The following HRAS variants were observed in gnomAD, a reference collection of about 807,000 sequenced individuals.
HRAS encodes GTPase HRas.
A neutral mutation model predicts 19.8 loss-of-function variants in HRAS; 11 were observed. The ratio of observed to expected loss-of-function variants is 0.55; its 90% confidence interval spans 0.35 to 0.92. The LOEUF (loss-of-function observed/expected upper bound fraction) is 0.92. Ranked by LOEUF, HRAS falls within the 40% of genes least tolerant of loss-of-function variation. The pLI, the probability that HRAS is intolerant of heterozygous loss-of-function variation, is 0.01. For synonymous variants in HRAS, 149 were observed against 105.5 expected (o/e 1.41, Z -2.52); for missense variants, 204 against 255.9 (o/e 0.80, Z 1.38).
chr11:534,474 C>T (rs137951969), intron 1 of HRAS, 99 bp from the exon 2 acceptor site: 4 of 644,876 alleles, frequency 6.2e-6, no homozygotes, highest in Non-Finnish European at 1.1e-5. Flanking sequence ...CCACAGCGGT[C>T]CCTGGGCCCC....
In HRAS at chr11:533,496, C is replaced by T. The variant is rs748289593; in HGVS notation, c.407G>A (p.Ser136Asn). 1.2e-6 allele frequency: 2 copies of T among 1,613,524 alleles called. No individual in the cohort carries two copies. Among genetic ancestry groups the T allele is most frequent in the South Asian group, 1.1e-5 (1 of 91,092 alleles). The change falls in exon 4 of 6, where the codon AGC (serine) becomes AAC (asparagine). Residue 136 changes from serine to asparagine, a missense_variant. By Grantham distance (46) the Ser-to-Asn change is conservative (BLOSUM62 1). Coordinates refer to ENST00000311189, the MANE Select transcript of HRAS (RefSeq NM_005343.4). ...ESRQAQDLAR[S>N]YGIPYIETSA... ...GGTCTCGATGTAGGGGATGCCGTAG[C>T]TTCGGGCGAGGTCCTGAGCCTGCCG...
chr11:535,076 TGCCGTG>T (rs1036866865), intron 1 of HRAS, among the ~76,000 whole-genome samples: 1 of 151,888 alleles, frequency 6.6e-6, no homozygotes. Flanking sequence ...TGCCCGGGCG[TGCCGTG>T]GCCGCGGCCG....
Position 532,529 on chromosome 11 carries a change from G to T in HRAS, c.*6-7C>A, listed in dbSNP as rs536402231. 2 of 1,449,168 alleles carry T rather than the reference G, an allele frequency of 1.4e-6. No homozygotes were observed. The highest frequency in any genetic ancestry group is 2.0e-5 in the Admixed American group (1 of 51,130). The allele number at this position is 1,449,168 out of a possible 1,614,324, so 89.8% of individuals were successfully genotyped here. On this transcript the variant is annotated splice_region_variant and splice_polypyrimidine_tract_variant and intron_variant, in intron 5 of 5. Coordinates refer to ENST00000311189, the MANE Select transcript of HRAS (RefSeq NM_005343.4). ...TCCATGTCCTGAGCTTGTGCTGGGCGGGGCACAAGGGAGGCTGCTGACCGC... is the reference window on the plus strand; with the variant it reads ...TCCATGTCCTGAGCTTGTGCTGGGCTGGGCACAAGGGAGGCTGCTGACCGC...
At chr11:533,674 G>A (rs1467469423) in intron 3 of HRAS, 62 bp from the exon 4 acceptor site, 1 of 1,612,034 alleles carries the variant, frequency 6.2e-7, no homozygotes, top group South Asian at 1.1e-5. Flanking sequence ...TCCAGGACAT[G>A]CGCAGAGAGG....
At chr11:533,274 T>TA in intron 4 of HRAS, 179 bp downstream of exon 4, 1 of 1,583,654 alleles carries the variant, frequency 6.3e-7, no homozygotes, top group Non-Finnish European at 8.5e-7. Flanking sequence ...CCGGGAGACT[T>TA]ACAGCGCGAG....
chr11:534,101 AGGGCCACAGCACCATGCAGGGGACCAG>A, intron 2 of HRAS, 84 bp downstream of exon 2: 1 of 1,164,684 alleles, frequency 8.6e-7, no homozygotes, highest in African/African-American at 1.5e-5. Context: ...AGCAGGAGAC[AGGGCCACAGCACCATGCAGGGGACCAG>A]GGGCTGCAGC....
intron 5 of HRAS, 22 bp downstream of exon 5, chr11:532,609 C>G (rs367794685): frequency 6.2e-7 from 1 of 1,602,006 alleles, no homozygotes. Flanking sequence ...GGCGTGGCGG[C>G]CGCCCTGGGA....
intron 2 of HRAS, 37 bp from the exon 3 acceptor site, chr11:533,981 C>T (rs746697013): frequency 1.4e-5 from 23 of 1,598,448 alleles, no homozygotes; most frequent in Non-Finnish European, 1.9e-5. Context: ...CCCTCAGGAC[C>T]TTCCGTGGGG....
chr11:533,379 A>G, intron 4 of HRAS, 74 bp downstream of exon 4: 1 of 1,435,602 alleles, frequency 7.0e-7, no homozygotes, highest in Non-Finnish European at 9.7e-7. Flanking sequence ...GGAGAGGGTC[A>G]GTGAGTGCTG....
intron 4 of HRAS, 36 bp downstream of exon 4, chr11:533,417 G>C: frequency 6.2e-7 from 1 of 1,607,408 alleles, no homozygotes; most frequent in Non-Finnish European, 8.5e-7. Context: ...GGCGGGGCGG[G>C]TCCCTGGCTA....
chr11:534,010 C>T (rs2133992632), intron 2 of HRAS, 66 bp from the exon 3 acceptor site: 1 of 1,543,242 alleles, frequency 6.5e-7, no homozygotes, highest in East Asian at 2.2e-5. Context: ...CACAGCCAGC[C>T]TCTCCCTGGT....
In HRAS at chr11:532,775, A is replaced by G; in HGVS notation, c.451-20T>C. 2 of 1,611,116 alleles carry G rather than the reference A, an allele frequency of 1.2e-6. No homozygotes were observed. The highest frequency in any genetic ancestry group is 2.2e-5 in the South Asian group (2 of 91,084). ...CACTCCCTGGGAAAGGAGGGATGGG[A>G]TCAGGAGGGACCGGCCTGTGGCCGC... On this transcript the variant is annotated intron_variant, in intron 4 of 5. Coordinates refer to ENST00000311189, the MANE Select transcript of HRAS (RefSeq NM_005343.4).
intron 4 of HRAS, among the ~76,000 whole-genome samples, chr11:533,125 G>A (rs1001334619): frequency 2.6e-5 from 4 of 152,334 alleles, no homozygotes; most frequent in Non-Finnish European, 4.4e-5. Context: ...AAGAGGGGCC[G>A]GGCCCCAGGG....
At chr11:533,249 C>T in intron 4 of HRAS, 2 of 1,547,452 alleles carry the variant, frequency 1.3e-6, no homozygotes, top group Non-Finnish European at 1.7e-6. Context: ...TCGCCTCCCT[C>T]ACTGCCCTGC....
chr11:532,905 G>C, intron 4 of HRAS, 150 bp from the exon 5 acceptor site: 1 of 817,252 alleles, frequency 1.2e-6, no homozygotes, highest in East Asian at 2.6e-5. Flanking sequence ...ACGGGAAGCT[G>C]GACTCTGGCC....
rs2133990247 is a variant in HRAS at position 533,813 on chromosome 11, C to T, written c.243G>A (p.Val81=). The T allele has an allele frequency of 6.2e-7, 1 of 1,613,402 alleles. No homozygotes were observed. The change falls in exon 3 of 6, where the codon GTG becomes GTA. Residue 81 remains valine, a synonymous_variant. Transcript: ENST00000311189. ...YMRTGEGFLC[V]FAINNTKSFE... Reference sequence around the variant, plus strand: ...AAGACTTGGTGTTGTTGATGGCAAACACACACAGGAAGCCCTCCCCGGTGC... The same window carrying T: ...AAGACTTGGTGTTGTTGATGGCAAATACACACAGGAAGCCCTCCCCGGTGC...
chr11:532,562 G>A (rs1851165974), intron 5 of HRAS, 40 bp from the exon 6 acceptor site: 3 of 1,569,576 alleles, frequency 1.9e-6, no homozygotes, highest in Non-Finnish European at 2.6e-6. Context: ...CGCAGGCCAG[G>A]AGACCGGCAG....
chr11:533,717 G>T (rs1320713194), intron 3 of HRAS, 49 bp downstream of exon 3: 1 of 1,611,520 alleles, frequency 6.2e-7, no homozygotes, highest in African/African-American at 1.3e-5. Context: ...CAGCCGGCCT[G>T]GCCCCACCTG....
intron 4 of HRAS, chr11:533,239 T>G: frequency 6.6e-7 from 1 of 1,516,546 alleles, no homozygotes; most frequent in Non-Finnish European, 8.9e-7. Context: ...ACCCCGGCCC[T>G]CGCCTCCCTC....
Sources: gnomAD v4.1 joint callset for allele counts (sites outside exome capture counted in the v4.1 genomes callset) on GRCh38, gnomAD v4.1.1 for gene constraint, MANE v1.5 for transcripts, NCBI Gene and HGNC (gene_info 2026-07-23, HGNC 2026-07-21) for gene names.